The following CDH13 variants were observed in gnomAD, a reference collection of about 807,000 sequenced individuals.
CDH13 encodes the protein cadherin 13.
CDH13 carries 24 observed loss-of-function variants against 63.8 expected under a neutral mutation model. That is an observed-to-expected ratio of 0.38 (90% CI 0.27 to 0.53). CDH13 has a LOEUF of 0.53. Ranked by LOEUF, CDH13 falls within the 20% of genes least tolerant of loss-of-function variation. The probability of loss-of-function intolerance (pLI) is 0.85; values close to 1 mark genes in which losing one functional copy is unlikely to be tolerated. For synonymous variants in CDH13, 503 were observed against 355.3 expected, an observed-to-expected ratio of 1.42 and a Z score of -4.67; for missense variants, 1,049 against 903.1, an observed-to-expected ratio of 1.16 and a Z score of -2.07.
intron 7 of CDH13, among the ~76,000 whole-genome samples, chr16:83,531,818 C>T (rs9921636): frequency 0.098 from 14,954 of 152,200 alleles, 1,225 homozygotes; most frequent in African/African-American, 0.23. Flanking sequence ...ATTTTGGACT[C>T]CTGGCCTCCA....
chr16:83,198,071 G>A (rs1214065285), intron 4 of CDH13, among the ~76,000 whole-genome samples: 4 of 152,080 alleles, frequency 2.6e-5, no homozygotes, highest in Admixed American at 6.6e-5. Flanking sequence ...CGACATTTTA[G>A]TATAGTTAAC....
chr16:83,014,139 C>G (rs548135723), intron 2 of CDH13, among the ~76,000 whole-genome samples: 3 of 151,838 alleles, frequency 2.0e-5, no homozygotes, highest in Non-Finnish European at 4.4e-5. Flanking sequence ...AGGCAATTCA[C>G]ACACACAAAA....
At chr16:82,706,259 A>T (rs540092483) in intron 1 of CDH13, among the ~76,000 whole-genome samples, 1 of 152,336 alleles carries the variant, frequency 6.6e-6, no homozygotes, top group Admixed American at 6.5e-5. Context: ...AACAGGGCAG[A>T]TGTGGTTCCC....
chr16:83,394,456 C>A (rs772615994), intron 6 of CDH13, among the ~76,000 whole-genome samples: 2 of 152,108 alleles, frequency 1.3e-5, no homozygotes, highest in African/African-American at 4.8e-5. Context: ...CTGAGGCAGG[C>A]ACACGTGTGG....
chr16:83,616,187 C>T (rs181547101), intron 8 of CDH13, among the ~76,000 whole-genome samples: 257 of 152,214 alleles, frequency 1.7e-3, no homozygotes, highest in Non-Finnish European at 2.8e-3. Flanking sequence ...AGCTGTCTTG[C>T]GTTGTTGGAA....
At chr16:83,319,867 C>G (rs74034115) in intron 5 of CDH13, among the ~76,000 whole-genome samples, 1,654 of 152,256 alleles carry the variant, frequency 0.011, 26 homozygotes, top group African/African-American at 0.038. Flanking sequence ...TGTTTCAGTT[C>G]TTCACCTGCT....
At chr16:82,960,026 A>G (rs978408523) in intron 2 of CDH13, among the ~76,000 whole-genome samples, 2 of 152,186 alleles carry the variant, frequency 1.3e-5, no homozygotes, top group Non-Finnish European at 2.9e-5. Flanking sequence ...TTTACATTCT[A>G]TTGAAGAGTT....
intron 4 of CDH13, among the ~76,000 whole-genome samples, chr16:83,166,638 C>A (rs2037684754): frequency 6.6e-6 from 1 of 152,094 alleles, no homozygotes; most frequent in Non-Finnish European, 1.5e-5. Context: ...TTACCTGCCC[C>A]ATTTCCATAT....
intron 7 of CDH13, among the ~76,000 whole-genome samples, chr16:83,592,304 G>A (rs908523057): frequency 5.9e-5 from 9 of 152,140 alleles, no homozygotes; most frequent in African/African-American, 1.9e-4. Context: ...ATACCATTCT[G>A]ATAACACTTA....
chr16:82,887,580 G>A (rs1478442875), intron 2 of CDH13, among the ~76,000 whole-genome samples: 1 of 152,172 alleles, frequency 6.6e-6, no homozygotes, highest in African/African-American at 2.4e-5. Flanking sequence ...CAGCGCTTTG[G>A]GAGGCCAAGG....
chr16:82,660,903 T>G (rs1201803865), intron 1 of CDH13, among the ~76,000 whole-genome samples: 1 of 152,066 alleles, frequency 6.6e-6, no homozygotes, highest in Non-Finnish European at 1.5e-5. Flanking sequence ...ATATAACTGA[T>G]TATAATTTAA....
intron 2 of CDH13, among the ~76,000 whole-genome samples, chr16:82,946,972 C>T (rs1394895770): frequency 6.6e-6 from 1 of 151,168 alleles, no homozygotes; most frequent in African/African-American, 2.4e-5. Flanking sequence ...TTGCTAATAA[C>T]ACTAGGCCAA....
chr16:83,709,321 A>G (rs891620097), intron 10 of CDH13, among the ~76,000 whole-genome samples: 12 of 152,244 alleles, frequency 7.9e-5, no homozygotes, highest in African/African-American at 2.9e-4. Flanking sequence ...GGTCTTTTGC[A>G]TAGCAGACAC....
At position 82,758,430 on chromosome 16, in the gene CDH13, C is replaced by G. The variant is rs1022560448; in HGVS notation, c.46-99932C>G. On this transcript the variant is annotated intron_variant, in intron 1 of 13. Transcript: ENST00000567109. ...TTGGCCCAGGAGACTGTTGATACCC[C>G]CCCCCCTTTGCTTTGTCTCCCCATT... 3.2e-3 allele frequency among the ~76,000 whole-genome samples: 478 copies of G among 151,444 alleles called. 2 individuals carry two copies. The highest frequency in any genetic ancestry group is 6.8e-3 in the Middle Eastern group (2 of 294).
intron 3 of CDH13, among the ~76,000 whole-genome samples, chr16:83,074,242 T>C (rs1283900980): frequency 2.0e-5 from 3 of 152,346 alleles, no homozygotes; most frequent in Middle Eastern, 3.4e-3. Flanking sequence ...ATGTGCGATA[T>C]TTCTCTTTCT....
rs1022353311 is a variant in CDH13, at chr16:83,215,988, C to CG, written c.484-1357_484-1356insG. ...GTTGCACATCTACATAAAAAGACCACCCCCCATACTTTGACCCCAACTGCT... is the reference window on the plus strand; with the variant it reads ...GTTGCACATCTACATAAAAAGACCACGCCCCCATACTTTGACCCCAACTGCT... On this transcript the variant is annotated intron_variant, in intron 4 of 13. Coordinates refer to ENST00000567109, the MANE Select transcript of CDH13 (RefSeq NM_001257.5). Among the ~76,000 whole-genome samples the CG allele has an allele frequency of 2.1e-3, 304 of 146,678 alleles. 6 individuals are homozygous for CG. Among genetic ancestry groups the CG allele is most frequent in the African/African-American group, 7.3e-3 (293 of 39,936 alleles).
intron 7 of CDH13, among the ~76,000 whole-genome samples, chr16:83,510,096 T>C (rs1481681933): frequency 2.0e-5 from 3 of 152,234 alleles, no homozygotes; most frequent in Admixed American, 1.3e-4. Context: ...TGTGAATGGA[T>C]GGCTGAAACG....
intron 4 of CDH13, among the ~76,000 whole-genome samples, chr16:83,157,380 G>A (rs1013934425): frequency 6.6e-5 from 10 of 152,056 alleles, no homozygotes; most frequent in Admixed American, 3.9e-4. Context: ...GCTGTCATCC[G>A]GAATCAGTTC....
intron 3 of CDH13, among the ~76,000 whole-genome samples, chr16:83,124,453 T>C (rs1362109381): frequency 2.0e-5 from 3 of 152,192 alleles, no homozygotes. Flanking sequence ...ATTCTCTAGG[T>C]TATCTGCTTA....
Sources: gnomAD v4.1 joint callset for allele counts (sites outside exome capture counted in the v4.1 genomes callset) on GRCh38, gnomAD v4.1.1 for gene constraint, MANE v1.5 for transcripts, NCBI Gene and HGNC (gene_info 2026-07-23, HGNC 2026-07-21) for gene names.